PDE4D: variants seen among roughly 807,000 people sequenced by gnomAD.
PDE4D encodes the protein phosphodiesterase 4D.
PDE4D carries 24 observed loss-of-function variants against 87.4 expected under a neutral mutation model. The ratio of observed to expected loss-of-function variants is 0.27; its 90% CI spans 0.20 to 0.39. The LOEUF (loss-of-function observed/expected upper bound fraction) is 0.39. Among genes scored for constraint, PDE4D ranks in the 10% least tolerant of loss-of-function variants. The pLI is 1.00. For synonymous variants in PDE4D, 384 were observed against 383.2 expected (o/e 1.00, Z -0.02); for missense variants, 714 against 1,041.0 (o/e 0.69, Z 4.32).
chr5:59,113,971 T>G (rs926400090), intron 5 of PDE4D, among the ~76,000 whole-genome samples: 2 of 152,186 alleles, frequency 1.3e-5, no homozygotes, highest in Non-Finnish European at 2.9e-5. Context: ...AATTCTCTCC[T>G]CCCTTTCCAA....
intron 1 of PDE4D, among the ~76,000 whole-genome samples, chr5:59,284,775 C>T (rs368723811): frequency 0.068 from 5,262 of 77,226 alleles, 277 homozygotes; most frequent in Middle Eastern, 0.12. Context: ...ATGTTTATTG[C>T]GGCATTATTC....
intron 3 of PDE4D, among the ~76,000 whole-genome samples, chr5:59,188,609 T>G (rs1743463901): frequency 6.6e-6 from 1 of 152,072 alleles, no homozygotes; most frequent in Admixed American, 6.5e-5. Flanking sequence ...CATATACACT[T>G]GTTACCACTA....
chr5:59,299,385 C>T (rs751657220), intron 1 of PDE4D, among the ~76,000 whole-genome samples: 7 of 152,280 alleles, frequency 4.6e-5, no homozygotes, highest in South Asian at 4.2e-4. Flanking sequence ...TCTGTGGGAA[C>T]GGACTTGATG....
chr5:59,308,253 C>T lies in PDE4D; in HGVS notation c.456-92285G>A, dbSNP rs183957671. Among the ~76,000 whole-genome samples, 693 of 151,638 alleles carry T rather than the reference C, an allele frequency of 4.6e-3. 5 individuals carry two copies. The highest frequency in any genetic ancestry group is 0.041 in the Middle Eastern group (12 of 292). ...GGAGGGATAGCATTAGGAGATATAC[C>T]TAATGCTAAATGACGAGTTAATGGG... On this transcript the variant is annotated intron_variant, in intron 1 of 14. Coordinates refer to ENST00000340635, the MANE Select transcript of PDE4D (RefSeq NM_001104631.2).
intron 1 of PDE4D, among the ~76,000 whole-genome samples, chr5:59,613,535 C>A (rs2150077572): frequency 6.6e-6 from 1 of 152,192 alleles, no homozygotes; most frequent in African/African-American, 2.4e-5. Flanking sequence ...AAGCTTGGGA[C>A]ATGTCCATGC....
intron 2 of PDE4D, among the ~76,000 whole-genome samples, chr5:60,047,805 T>C (rs1769488282): frequency 6.6e-6 from 1 of 152,134 alleles, no homozygotes; most frequent in African/African-American, 2.4e-5. Flanking sequence ...AATTTTGGAA[T>C]AGGTGTGGTG....
intron 6 of PDE4D, among the ~76,000 whole-genome samples, chr5:59,011,798 A>T: frequency 6.6e-6 from 1 of 152,224 alleles, no homozygotes; most frequent in East Asian, 1.9e-4. Context: ...CCAGAAATAC[A>T]GAGAATGCCA....
At chr5:59,202,054 T>TTG in intron 2 of PDE4D, among the ~76,000 whole-genome samples, 1 of 148,108 alleles carries the variant, frequency 6.8e-6, no homozygotes, top group Non-Finnish European at 1.5e-5. Flanking sequence ...TTTTTTTTTT[T>TTG]CTGAGATGGA....
intron 1 of PDE4D, among the ~76,000 whole-genome samples, chr5:59,733,186 G>T (rs1757621863): frequency 6.6e-6 from 1 of 152,108 alleles, no homozygotes; most frequent in Non-Finnish European, 1.5e-5. Flanking sequence ...AATTGGGTGA[G>T]GTCTTGAGGG....
At chr5:59,787,957 G>A (rs1479392119) in intron 1 of PDE4D, among the ~76,000 whole-genome samples, 1 of 152,160 alleles carries the variant, frequency 6.6e-6, no homozygotes, top group African/African-American at 2.4e-5. Flanking sequence ...TATATTGAGT[G>A]ACATATAAGC....
chr5:59,932,156 A>G (rs1453384687), intron 3 of PDE4D, among the ~76,000 whole-genome samples: 1 of 152,238 alleles, frequency 6.6e-6, no homozygotes, highest in African/African-American at 2.4e-5. Context: ...TGTTAAAAGC[A>G]TAGCCATCAC....
intron 13 of PDE4D, 55 bp downstream of exon 13, chr5:58,976,295 A>T (rs1298636460): frequency 1.3e-6 from 2 of 1,549,062 alleles, no homozygotes; most frequent in Middle Eastern, 1.7e-4. Flanking sequence ...ACACGCAGAC[A>T]TGTGCACATG....
intron 2 of PDE4D, among the ~76,000 whole-genome samples, chr5:60,119,280 T>C (rs999504259): frequency 3.3e-5 from 5 of 152,184 alleles, no homozygotes; most frequent in Non-Finnish European, 5.9e-5. Context: ...TATAATAGTT[T>C]ACAATTTGAC....
chr5:60,429,845 T>C (rs866444979), intron 1 of PDE4D: 3 of 342,078 alleles, frequency 8.8e-6, no homozygotes. Flanking sequence ...TTTTTTTTTT[T>C]TTGTTTTTTT....
intron 1 of PDE4D, among the ~76,000 whole-genome samples, chr5:60,316,187 T>C (rs1197295512): frequency 6.6e-6 from 1 of 152,228 alleles, no homozygotes; most frequent in Non-Finnish European, 1.5e-5. Context: ...TAGTTCTCCT[T>C]GAAGAGGTCC....
intron 2 of PDE4D, among the ~76,000 whole-genome samples, chr5:60,050,023 G>C (rs370815976): frequency 6.6e-6 from 1 of 152,216 alleles, no homozygotes; most frequent in African/African-American, 2.4e-5. Context: ...GCGAGACTCT[G>C]TTGGCGTAGG....
chr5:59,907,306 T>A (rs984110490), intron 3 of PDE4D, among the ~76,000 whole-genome samples: 3 of 152,122 alleles, frequency 2.0e-5, no homozygotes, highest in Non-Finnish European at 4.4e-5. Flanking sequence ...TTCTTATTCA[T>A]TAGTGGTCGG....
At chr5:60,463,300 C>T (rs916010627) in intron 1 of PDE4D, among the ~76,000 whole-genome samples, 7 of 152,080 alleles carry the variant, frequency 4.6e-5, no homozygotes, top group African/African-American at 1.4e-4. Flanking sequence ...ATGTGTCTCC[C>T]GTGCTGCTTC....
chr5:59,389,470 G>C (rs1787798976), intron 1 of PDE4D, among the ~76,000 whole-genome samples: 1 of 151,946 alleles, frequency 6.6e-6, no homozygotes, highest in Non-Finnish European at 1.5e-5. Context: ...AGGGTGCTGG[G>C]AAAAGAGAAC....
Sources: gnomAD v4.1 joint callset for allele counts (sites outside exome capture counted in the v4.1 genomes callset) on GRCh38, gnomAD v4.1.1 for gene constraint, MANE v1.5 for transcripts, NCBI Gene and HGNC (gene_info 2026-07-23, HGNC 2026-07-21) for gene names.